The following CACNA2D3 variants were observed in gnomAD, a reference collection of about 807,000 sequenced individuals.
CACNA2D3 encodes the protein calcium voltage-gated channel auxiliary subunit alpha2delta 3.
Under a neutral mutation model 160.6 loss-of-function variants are expected in CACNA2D3, and 60 were observed. The ratio of observed to expected loss-of-function variants is 0.37; its 90% CI spans 0.30 to 0.46. CACNA2D3 has a LOEUF of 0.46. Among genes scored for constraint, CACNA2D3 ranks in the 20% least tolerant of loss-of-function variants. The pLI is 1.00. For synonymous variants in CACNA2D3, 558 were observed against 492.9 expected, an observed-to-expected ratio of 1.13 and a Z score of -1.75; for missense variants, 1,205 against 1,365.0, an observed-to-expected ratio of 0.88 and a Z score of 1.85.
chr3:54,284,707 T>C (rs1191275843), intron 2 of CACNA2D3, among the ~76,000 whole-genome samples: 2 of 152,296 alleles, frequency 1.3e-5, no homozygotes, highest in South Asian at 2.1e-4. Context: ...TTAATAAAAA[T>C]AGTCGTCCAA....
At chr3:54,617,670 C>G (rs932572443) in intron 9 of CACNA2D3, among the ~76,000 whole-genome samples, 2 of 152,158 alleles carry the variant, frequency 1.3e-5, no homozygotes, top group African/African-American at 2.4e-5. Context: ...ATCCAAAATT[C>G]AAAGTTAATT....
chr3:54,954,521 CG>C (rs1429985201), intron 27 of CACNA2D3, among the ~76,000 whole-genome samples: 1 of 152,240 alleles, frequency 6.6e-6, no homozygotes, highest in East Asian at 1.9e-4. Flanking sequence ...ATCTTTCTGT[CG>C]GGGTCTACCA....
chr3:54,500,676 CTT>C (rs1701280736), intron 4 of CACNA2D3, among the ~76,000 whole-genome samples: 1 of 151,076 alleles, frequency 6.6e-6, no homozygotes, highest in Non-Finnish European at 1.5e-5. Flanking sequence ...TGTTATGTGA[CTT>C]AATTTTCTCT....
At chr3:54,207,344 A>G (rs1203979323) in intron 2 of CACNA2D3, among the ~76,000 whole-genome samples, 1 of 150,800 alleles carries the variant, frequency 6.6e-6, no homozygotes, top group Non-Finnish European at 1.5e-5. Flanking sequence ...AAGGTCACAC[A>G]GCTAGCAAGT....
At chr3:54,243,601 A>G (rs1702013738) in intron 2 of CACNA2D3, among the ~76,000 whole-genome samples, 1 of 152,218 alleles carries the variant, frequency 6.6e-6, no homozygotes, top group Non-Finnish European at 1.5e-5. Context: ...AAAAAAGATT[A>G]GTTGTTAAGA....
intron 4 of CACNA2D3, among the ~76,000 whole-genome samples, chr3:54,491,069 TGTTG>T (rs1474876905): frequency 1.3e-5 from 2 of 152,344 alleles, no homozygotes; most frequent in East Asian, 1.9e-4. Flanking sequence ...CTCTCTCTCC[TGTTG>T]GTTCTGTTTC....
Position 54,832,011 on chromosome 3 carries a change from T to TCATACACACAGCACACACACACACACA in CACNA2D3, c.1399-5146_1399-5145insTACACACAGCACACACACACACACACA, listed in dbSNP as rs373556430. On this transcript the variant is annotated intron_variant, in intron 14 of 37. Transcript: ENST00000474759. The stretch of plus-strand genomic sequence containing the variant: ...TCCCTCTTTATCTCTCTCTTCTCTG[T>TCATACACACAGCACACACACACACACA]CACACACACACACACACACACACAC... Among the ~76,000 whole-genome samples, 242 of 118,944 alleles carry TCATACACACAGCACACACACACACACA rather than the reference T, an allele frequency of 2.0e-3. 1 individual carries two copies. Among genetic ancestry groups the TCATACACACAGCACACACACACACACA allele is most frequent in the African/African-American group, 7.4e-3 (223 of 30,208 alleles). 78.0% of individuals were successfully genotyped at this position (118,944 alleles called of 152,430 possible). A position where few individuals can be genotyped will look rare whatever the true frequency, so the allele number is the denominator to read the frequency against.
At chr3:55,035,691 C>T (rs1395323515) in intron 35 of CACNA2D3, among the ~76,000 whole-genome samples, 2 of 151,992 alleles carry the variant, frequency 1.3e-5, no homozygotes, top group African/African-American at 4.8e-5. Flanking sequence ...TTATCAAGCT[C>T]CGAAAATTGA....
At chr3:54,899,897 A>G (rs746485628) in intron 27 of CACNA2D3, 29 bp downstream of exon 27, 1 of 1,491,194 alleles carries the variant, frequency 6.7e-7, no homozygotes, top group African/African-American at 1.4e-5. Context: ...CCATGAAGAC[A>G]AAGTAAGCAT....
intron 2 of CACNA2D3, among the ~76,000 whole-genome samples, chr3:54,258,712 A>C (rs1702347358): frequency 6.6e-6 from 1 of 152,152 alleles, no homozygotes; most frequent in Non-Finnish European, 1.5e-5. Flanking sequence ...AATGTTGGGG[A>C]TAGTTTTAAA....
At chr3:54,458,570 G>C (rs747539923) in intron 4 of CACNA2D3, among the ~76,000 whole-genome samples, 3 of 151,352 alleles carry the variant, frequency 2.0e-5, no homozygotes, top group Admixed American at 2.0e-4. Flanking sequence ...TATGTGATTT[G>C]ATGTTTTTCT....
chr3:54,347,955 C>T (rs1452288161), intron 3 of CACNA2D3, among the ~76,000 whole-genome samples: 1 of 152,138 alleles, frequency 6.6e-6, no homozygotes, highest in African/African-American at 2.4e-5. Context: ...GGGCTATATG[C>T]TTTTCGAAGC....
chr3:54,187,670 A>G (rs1700900682), intron 2 of CACNA2D3, among the ~76,000 whole-genome samples: 1 of 152,152 alleles, frequency 6.6e-6, no homozygotes, highest in Non-Finnish European at 1.5e-5. Context: ...CAAATTTTCC[A>G]TGGATAGAAG....
chr3:54,387,431 C>T (rs566990920), intron 4 of CACNA2D3, among the ~76,000 whole-genome samples: 54 of 152,212 alleles, frequency 3.5e-4, no homozygotes, highest in Non-Finnish European at 6.3e-4. Flanking sequence ...GCAGGTGCAT[C>T]GCTTGAGGCC....
intron 2 of CACNA2D3, among the ~76,000 whole-genome samples, chr3:54,154,294 A>G (rs1045869771): frequency 3.9e-5 from 6 of 152,222 alleles, no homozygotes; most frequent in African/African-American, 1.4e-4. Context: ...CAGCACTTAC[A>G]TGTAATAACT....
chr3:54,296,838 C>T (rs1315465955), intron 2 of CACNA2D3, among the ~76,000 whole-genome samples: 2 of 152,100 alleles, frequency 1.3e-5, no homozygotes, highest in African/African-American at 2.4e-5. Context: ...GTGTTCCATG[C>T]GAAGTAAGGG....
At chr3:55,068,652 G>A (rs1308892603) in intron 35 of CACNA2D3, among the ~76,000 whole-genome samples, 2 of 151,906 alleles carry the variant, frequency 1.3e-5, no homozygotes, top group South Asian at 2.1e-4. Context: ...TCAACGTCTT[G>A]GGTCTCCTTT....
At chr3:54,856,356 C>T (rs1472719313) in intron 17 of CACNA2D3, among the ~76,000 whole-genome samples, 1 of 152,170 alleles carries the variant, frequency 6.6e-6, no homozygotes, top group African/African-American at 2.4e-5. Context: ...GGCCACAGTC[C>T]AGCATGCTTG....
At chr3:54,547,308 A>G (rs544232436) in intron 5 of CACNA2D3, among the ~76,000 whole-genome samples, 1 of 152,238 alleles carries the variant, frequency 6.6e-6, no homozygotes, top group East Asian at 1.9e-4. Flanking sequence ...TTTGCATGAA[A>G]TTGGGCATGT....
Sources: allele counts gnomAD v4.1 joint callset (sites outside exome capture counted in the v4.1 genomes callset), GRCh38; gene constraint gnomAD v4.1.1; transcripts MANE v1.5; gene names NCBI Gene and HGNC (gene_info 2026-07-23, HGNC 2026-07-21).